GABRB3: variants seen among roughly 807,000 people sequenced by gnomAD.
GABRB3 encodes gamma-aminobutyric acid receptor subunit beta-3.
A neutral mutation model predicts 52.1 loss-of-function variants in GABRB3; 14 were observed. The observed-to-expected ratio is 0.27, with a 90% CI of 0.18 to 0.42. GABRB3 has a LOEUF of 0.42. Among genes scored for constraint, GABRB3 ranks in the 10% least tolerant of loss-of-function variants. The probability of loss-of-function intolerance (pLI) is 1.00; values close to 1 mark genes in which losing one functional copy is unlikely to be tolerated. For synonymous variants in GABRB3, 260 were observed against 232.3 expected, an observed-to-expected ratio of 1.12 and a Z score of -1.08; for missense variants, 307 against 609.1, an observed-to-expected ratio of 0.50 and a Z score of 5.22.
At chr15:26,575,081 G>A (rs1226926317) in intron 6 of GABRB3, among the ~76,000 whole-genome samples, 1 of 152,090 alleles carries the variant, frequency 6.6e-6, no homozygotes, top group Non-Finnish European at 1.5e-5. Flanking sequence ...TGTAATCAGA[G>A]ATTTCACCAT....
At chr15:26,593,260 C>G (rs906701737) in intron 4 of GABRB3, among the ~76,000 whole-genome samples, 2 of 151,994 alleles carry the variant, frequency 1.3e-5, no homozygotes, top group Non-Finnish European at 2.9e-5. Flanking sequence ...AAACAGCAAC[C>G]AAATTAGCAA....
chr15:26,621,767 TTAGGTTAAGAAGCAGAC>T lies in GABRB3; in HGVS notation c.241-250_241-234del, dbSNP rs1345359577. Among the ~76,000 whole-genome samples, 1 of 152,192 alleles carries T rather than the reference TTAGGTTAAGAAGCAGAC, an allele frequency of 6.6e-6. No individual in the cohort carries two copies. The highest frequency in any genetic ancestry group is 2.4e-5 in the African/African-American group (1 of 41,444). ...CACGTATAGATGTCCTCTGTTTTAC[TTAGGTTAAGAAGCAGAC>T]TAGACAAACTGGCATTTAACAGATA... On this transcript the variant is annotated intron_variant, in intron 3 of 8. Transcript: ENST00000311550. This position sits in a 1 kb window ranked among gnomAD's most constrained non-coding sequence, Gnocchi z 4.1.
chr15:26,696,478 A>C (rs1424311851), intron 3 of GABRB3, among the ~76,000 whole-genome samples: 1 of 152,142 alleles, frequency 6.6e-6, no homozygotes, highest in African/African-American at 2.4e-5. Context: ...GGGACCTGCA[A>C]TCTTACCTCC....
chr15:26,624,921 C>T, intron 3 of GABRB3: 1 of 985,568 alleles, frequency 1.0e-6, no homozygotes, highest in Non-Finnish European at 1.2e-6. Flanking sequence ...GAACAGCGGG[C>T]AGCCGCTTGT....
At chr15:26,649,658 CTGTGTGTGTGTGTGTG>C (rs57833685) in intron 3 of GABRB3, among the ~76,000 whole-genome samples, 14 of 130,096 alleles carry the variant, frequency 1.1e-4, no homozygotes, top group Non-Finnish European at 1.9e-4. Flanking sequence ...AGAGCCAAGG[CTGTGTGTGTGTGTGTG>C]TGTGTGTGTG....
chr15:26,554,144 G>GTATATA (rs547570760), intron 8 of GABRB3, among the ~76,000 whole-genome samples: 5 of 32,300 alleles, frequency 1.5e-4, no homozygotes, highest in African/African-American at 5.9e-4. Context: ...TATATATAAA[G>GTATATA]TATATATATA....
Position 26,561,007 on chromosome 15 carries a change from G to C in GABRB3, c.1005C>G (p.Gly335=), listed in dbSNP as rs74907974. The stretch of plus-strand genomic sequence containing the variant: ...CTGCAAGCTTCTTCTGCCTTTGAGG[G>C]CCTCTTCCAAAGAAAATGTAGTTGA... The part of the protein sequence containing the change: ...AFVNYIFFGR[G]PQRQKKLAEK... The change falls in exon 8 of 9, where the codon GGC becomes GGG. Residue 335 remains glycine (G), a synonymous_variant. Coordinates refer to ENST00000311550, the MANE Select transcript of GABRB3 (RefSeq NM_000814.6). 5.9e-5 allele frequency: 95 copies of C among 1,614,006 alleles called. No homozygotes were observed. The highest frequency in any genetic ancestry group is 8.0e-5 in the Non-Finnish European group (94 of 1,180,032).
At chr15:26,598,405 T>C (rs950992587) in intron 4 of GABRB3, among the ~76,000 whole-genome samples, 2 of 152,140 alleles carry the variant, frequency 1.3e-5, no homozygotes, top group Non-Finnish European at 2.9e-5. Context: ...GATGCCAGAC[T>C]ACACCTTCAC....
At chr15:26,548,199 G>A in intron 8 of GABRB3, 65 bp from the exon 9 acceptor site, 1 of 1,260,490 alleles carries the variant, frequency 7.9e-7, no homozygotes. Flanking sequence ...GCAGATCCCG[G>A]ACAGAATGAT....
chr15:26,604,938 G>A (rs1191241477), intron 4 of GABRB3, among the ~76,000 whole-genome samples: 4 of 152,136 alleles, frequency 2.6e-5, no homozygotes, highest in Non-Finnish European at 4.4e-5. Flanking sequence ...AAGTTAAAAA[G>A]CTTCTGCACA....
chr15:26,568,387 C>G (rs1337806639), intron 6 of GABRB3, among the ~76,000 whole-genome samples: 2 of 152,138 alleles, frequency 1.3e-5, no homozygotes, highest in South Asian at 2.1e-4. Flanking sequence ...ACATTCCACT[C>G]AACACATTTT....
chr15:26,571,989 T>C (rs1890417810), intron 6 of GABRB3, among the ~76,000 whole-genome samples: 1 of 140,256 alleles, frequency 7.1e-6, no homozygotes, highest in South Asian at 2.2e-4. Context: ...GAGGTTGCAG[T>C]GAGCCGAAAT....
At chr15:26,641,474 C>G (rs1038545031) in intron 3 of GABRB3, among the ~76,000 whole-genome samples, 1 of 152,218 alleles carries the variant, frequency 6.6e-6, no homozygotes, top group African/African-American at 2.4e-5. Context: ...AAAACTGACA[C>G]TAAAGGAGAA....
chr15:26,684,092 T>C (rs1323270204), intron 3 of GABRB3, among the ~76,000 whole-genome samples: 1 of 152,086 alleles, frequency 6.6e-6, no homozygotes, highest in Non-Finnish European at 1.5e-5. Flanking sequence ...ACGGTTAGGT[T>C]AATAGACTGA....
At chr15:26,563,010 A>G (rs1400903794) in intron 7 of GABRB3, among the ~76,000 whole-genome samples, 2 of 152,238 alleles carry the variant, frequency 1.3e-5, no homozygotes, top group Admixed American at 6.5e-5. Flanking sequence ...ATGTGAAAAC[A>G]CCACATAAAT....
chr15:26,629,133 G>A, intron 3 of GABRB3: 1 of 1,522,372 alleles, frequency 6.6e-7, no homozygotes, highest in Non-Finnish European at 8.8e-7. Context: ...AGAGGCTGAA[G>A]CTCGGGGAGG....
intron 3 of GABRB3, chr15:26,658,713 C>T (rs1452658348): frequency 6.6e-6 from 1 of 152,206 alleles, no homozygotes; most frequent in African/African-American, 2.4e-5. Flanking sequence ...GGTTCCCTGT[C>T]CAGCATTTGC....
At chr15:26,745,118 G>A (rs374578965) in intron 3 of GABRB3, among the ~76,000 whole-genome samples, 65 of 152,148 alleles carry the variant, frequency 4.3e-4, no homozygotes, top group Admixed American at 1.1e-3. Flanking sequence ...ACCAGATCTC[G>A]TGAGAACTCA....
chr15:26,691,116 C>CT (rs1256825110), intron 3 of GABRB3, among the ~76,000 whole-genome samples: 1 of 151,820 alleles, frequency 6.6e-6, no homozygotes, highest in Non-Finnish European at 1.5e-5. Flanking sequence ...CAGCAAATAC[C>CT]TTCTCAGCTG....
Sources: gnomAD v4.1 joint callset for allele counts (sites outside exome capture counted in the v4.1 genomes callset) on GRCh38, gnomAD v4.1.1 for gene constraint, Gnocchi (gnomAD v3.1) non-coding constraint, MANE v1.5 for transcripts, NCBI Gene and HGNC (gene_info 2026-07-23, HGNC 2026-07-21) for gene names.